SPATA13: variants seen among roughly 807,000 people sequenced by gnomAD.
SPATA13 encodes the protein spermatogenesis associated 13.
A neutral mutation model predicts 104.0 loss-of-function variants in SPATA13; 50 were observed. That is an observed-to-expected ratio of 0.48 (90% CI 0.38 to 0.61). The LOEUF is 0.61. Ranked by LOEUF, SPATA13 falls within the 20% of genes least tolerant of loss-of-function variation. The pLI, the probability that SPATA13 is intolerant of heterozygous loss-of-function variation, is 0.00. For synonymous variants in SPATA13, 606 were observed against 667.5 expected (o/e 0.91, Z 1.42); for missense variants, 1,524 against 1,690.6 (o/e 0.90, Z 1.73).
rs903276643 is a variant in SPATA13, at chr13:24,082,504, T to C, written c.-112+64803T>C. Among the ~76,000 whole-genome samples, 3 of 152,180 alleles carry C rather than the reference T, an allele frequency of 2.0e-5. 1 individual carries two copies. In the South Asian group the frequency reaches 6.2e-4, roughly 31 times the overall value. ...ACACAGGAAGCTGTGGCCTTTTCTA[T>C]ACTCAACTACAGCCAAAATAAAAAT... On this transcript the variant is annotated intron_variant, in intron 3 of 14. Coordinates refer to the SPATA13 transcript ENST00000424834.
intron 2 of SPATA13, among the ~76,000 whole-genome samples, chr13:24,226,621 T>G (rs1871955679): frequency 6.6e-6 from 1 of 152,246 alleles, no homozygotes; most frequent in Admixed American, 6.5e-5. Context: ...ATTTCTAGAT[T>G]GATTTGCAGG....
chr13:24,217,310 T>C (rs1037542704), intron 1 of SPATA13, among the ~76,000 whole-genome samples: 2 of 152,180 alleles, frequency 1.3e-5, no homozygotes, highest in African/African-American at 4.8e-5. Flanking sequence ...CTCTCTCTCT[T>C]TTTATTACAA....
chr13:23,983,914 CA>C (rs1461056631), exon 2 of SPATA13: 1 of 985,360 alleles, frequency 1.0e-6, no homozygotes, highest in African/African-American at 1.7e-5. Context: ...GTAGGCCTCA[CA>C]AACATCCTGG....
At position 24,297,464 on chromosome 13, in the gene SPATA13, T is replaced by G; in HGVS notation, c.3312T>G (p.Phe1104Leu). ...GCCAGCAGCGGACGTTCTTCCTGTT[T>G]GACCACCAGCTGGTGTCCTGCAAGA... ...GKSQQRTFFL[F>L]DHQLVSCKKD... Residue 1104 changes from phenylalanine (F) to leucine (L), a missense_variant, in exon 11 of 13, where the codon TTT becomes TTG. By Grantham distance (22) the Phe-to-Leu change is conservative (BLOSUM62 0). Coordinates refer to ENST00000382108, the MANE Select transcript of SPATA13 (RefSeq NM_001166271.3). 7 of 1,614,222 alleles carry G rather than the reference T, an allele frequency of 4.3e-6. No individual in the cohort carries two copies. The highest frequency in any genetic ancestry group is 5.9e-6 in the Non-Finnish European group (7 of 1,180,036).
At chr13:24,209,747 T>G (rs1347592406) in intron 1 of SPATA13, among the ~76,000 whole-genome samples, 4 of 152,054 alleles carry the variant, frequency 2.6e-5, no homozygotes, top group Non-Finnish European at 5.9e-5. Context: ...GACGTCTTTT[T>G]GAGGTGTTGA....
chr13:24,134,734 C>A (rs1881502478), intron 3 of SPATA13, among the ~76,000 whole-genome samples: 1 of 152,164 alleles, frequency 6.6e-6, no homozygotes, highest in African/African-American at 2.4e-5. Context: ...CTCCCTGAGC[C>A]TAGAAAACAT....
At chr13:24,197,812 T>C (rs2138564069) in intron 1 of SPATA13, among the ~76,000 whole-genome samples, 1 of 152,160 alleles carries the variant, frequency 6.6e-6, no homozygotes, top group Admixed American at 6.5e-5. Flanking sequence ...CCACCAGAAA[T>C]TACTAGGATG....
At chr13:24,272,084 G>A (rs1015346644) in intron 4 of SPATA13, among the ~76,000 whole-genome samples, 6 of 152,238 alleles carry the variant, frequency 3.9e-5, no homozygotes, top group Admixed American at 2.0e-4. Context: ...GGAAGCGGAC[G>A]TGCGGGTGCT....
In SPATA13 at chr13:24,007,092, C is replaced by T. The variant is rs78606354; in HGVS notation, c.-146-10575C>T. Among the ~76,000 whole-genome samples the T allele has an allele frequency of 5.6e-3, 856 of 152,278 alleles. 7 individuals carry two copies. The highest frequency in any genetic ancestry group is 0.027 in the Middle Eastern group (8 of 294). On this transcript the variant is annotated intron_variant, in intron 2 of 14. Coordinates refer to the SPATA13 transcript ENST00000424834. Reference sequence around the variant, plus strand: ...TGTCCCCTCAGCTGAGTGTGACCTTCCTGCTGGCCCTTAGCTGCCCTCTGG... The same window carrying T: ...TGTCCCCTCAGCTGAGTGTGACCTTTCTGCTGGCCCTTAGCTGCCCTCTGG...
chr13:24,025,813 C>CTTT (rs61153723), intron 3 of SPATA13, among the ~76,000 whole-genome samples: 3 of 146,622 alleles, frequency 2.0e-5, no homozygotes, highest in Non-Finnish European at 4.5e-5. Flanking sequence ...TTCTTTCTTT[C>CTTT]TTTTTTTTTT....
chr13:24,217,194 G>A, intron 1 of SPATA13, among the ~76,000 whole-genome samples: 1 of 152,136 alleles, frequency 6.6e-6, no homozygotes, highest in East Asian at 1.9e-4. Flanking sequence ...AGAATTTGAG[G>A]CCACCCCGGG....
At chr13:24,105,382 G>A (rs1327842472) in intron 3 of SPATA13, among the ~76,000 whole-genome samples, 3 of 151,194 alleles carry the variant, frequency 2.0e-5, no homozygotes, top group South Asian at 2.1e-4. Flanking sequence ...CAAGTGATCC[G>A]CCTGCCTCAG....
chr13:24,287,037 C>T (rs1876007055), intron 7 of SPATA13, 87 bp downstream of exon 7: 5 of 1,172,148 alleles, frequency 4.3e-6, no homozygotes, highest in Middle Eastern at 2.6e-4. Context: ...CCACCCCCCG[C>T]CCCCCCATCA....
chr13:24,240,049 A>C (rs1872757022), intron 2 of SPATA13, among the ~76,000 whole-genome samples: 1 of 151,862 alleles, frequency 6.6e-6, no homozygotes, highest in Admixed American at 6.5e-5. Context: ...TCACGCCTGT[A>C]ATCTCAGCAT....
At chr13:23,990,741 CG>C (rs1428197175) in intron 2 of SPATA13, among the ~76,000 whole-genome samples, 1 of 152,196 alleles carries the variant, frequency 6.6e-6, no homozygotes, top group Non-Finnish European at 1.5e-5. Flanking sequence ...CCTTGTTTCC[CG>C]TGATCACCCA....
intron 3 of SPATA13, among the ~76,000 whole-genome samples, chr13:24,049,981 T>C (rs1250519785): frequency 1.3e-5 from 2 of 152,216 alleles, no homozygotes; most frequent in Non-Finnish European, 2.9e-5. Flanking sequence ...CAAGCAATTC[T>C]CCTGCCTCAG....
At chr13:24,141,896 C>T (rs959385173) in intron 3 of SPATA13, among the ~76,000 whole-genome samples, 1 of 152,178 alleles carries the variant, frequency 6.6e-6, no homozygotes. Context: ...TCCTTTTCTT[C>T]ACTGCTGCCA....
intron 1 of SPATA13, among the ~76,000 whole-genome samples, chr13:24,166,524 A>G (rs1882738967): frequency 6.6e-6 from 1 of 152,148 alleles, no homozygotes; most frequent in African/African-American, 2.4e-5. Context: ...GAACATCTGT[A>G]TCACTATAGC....
intron 3 of SPATA13, among the ~76,000 whole-genome samples, chr13:24,070,967 G>T (rs1374578642): frequency 6.6e-6 from 1 of 152,184 alleles, no homozygotes; most frequent in African/African-American, 2.4e-5. Context: ...CTCCACAATT[G>T]TAGGCGTCAG....
Sources: allele counts gnomAD v4.1 joint callset (sites outside exome capture counted in the v4.1 genomes callset), GRCh38; gene constraint gnomAD v4.1.1; transcripts MANE v1.5; gene names NCBI Gene and HGNC (gene_info 2026-07-23, HGNC 2026-07-21).